FAF1: variants seen among roughly 807,000 people sequenced by gnomAD.
FAF1 encodes the protein FAS-associated factor 1.
A neutral mutation model predicts 92.5 loss-of-function variants in FAF1; 25 were observed. That is an observed-to-expected ratio of 0.27 (90% CI 0.20 to 0.38). The LOEUF (loss-of-function observed/expected upper bound fraction) is 0.38. FAF1 is among the 10% of genes least tolerant of loss of function. FAF1 has a pLI of 1.00. For synonymous variants in FAF1, 234 were observed against 273.2 expected, an observed-to-expected ratio of 0.86 and a Z score of 1.42; for missense variants, 636 against 793.3, an observed-to-expected ratio of 0.80 and a Z score of 2.38.
intron 18 of FAF1, among the ~76,000 whole-genome samples, chr1:50,443,354 A>C (rs759029247): frequency 3.3e-5 from 5 of 152,176 alleles, no homozygotes; most frequent in African/African-American, 4.8e-5. Context: ...CATCCAAGAA[A>C]AGTGGCTTTC....
chr1:50,536,359 T>G (rs1315391353), intron 14 of FAF1, among the ~76,000 whole-genome samples: 1 of 152,212 alleles, frequency 6.6e-6, no homozygotes. Flanking sequence ...GACAATTCTC[T>G]TCTCTCAAAC....
At chr1:50,760,173 C>G (rs920924359) in intron 4 of FAF1, among the ~76,000 whole-genome samples, 1 of 151,938 alleles carries the variant, frequency 6.6e-6, no homozygotes, top group Non-Finnish European at 1.5e-5. Flanking sequence ...ACAGGAGCAC[C>G]CAGATTCATA....
intron 18 of FAF1, among the ~76,000 whole-genome samples, chr1:50,456,526 C>A (rs562102093): frequency 5.3e-5 from 8 of 152,232 alleles, no homozygotes; most frequent in African/African-American, 1.9e-4. Flanking sequence ...TATGAAGATA[C>A]CATGAGTTTC....
Position 50,872,559 on chromosome 1 carries a change from G to A in FAF1, c.46-14562C>T, listed in dbSNP as rs142526830. ...CTGATAAAGCAGCAGTAGGGTTTGA[G>A]AGGATTGACTCCAATTTTGAAAGAA... On this transcript the variant is annotated intron_variant, in intron 1 of 18. Coordinates refer to ENST00000396153, the MANE Select transcript of FAF1 (RefSeq NM_007051.3). Among the ~76,000 whole-genome samples the A allele has an allele frequency of 3.9e-5, 6 of 152,302 alleles. No homozygotes were observed. In the East Asian group the frequency reaches 9.6e-4, roughly 24 times the overall value.
intron 6 of FAF1, among the ~76,000 whole-genome samples, chr1:50,738,506 G>C (rs1164332685): frequency 1.3e-5 from 2 of 150,550 alleles, no homozygotes; most frequent in Non-Finnish European, 3.0e-5. Flanking sequence ...AGAGCTCAAT[G>C]AATTTTCCTC....
At chr1:50,888,775 A>C (rs1644692284) in intron 1 of FAF1, among the ~76,000 whole-genome samples, 1 of 152,142 alleles carries the variant, frequency 6.6e-6, no homozygotes. Context: ...CCAGTATTTT[A>C]TTGAGGATTT....
At chr1:50,675,047 T>C (rs1358917531) in intron 7 of FAF1, among the ~76,000 whole-genome samples, 5 of 152,066 alleles carry the variant, frequency 3.3e-5, no homozygotes, top group East Asian at 3.9e-4. Context: ...CCCACCACCA[T>C]ACCTGGCTAA....
At chr1:50,860,010 C>T (rs185206459) in intron 1 of FAF1, among the ~76,000 whole-genome samples, 1 of 151,792 alleles carries the variant, frequency 6.6e-6, no homozygotes, top group Non-Finnish European at 1.5e-5. Flanking sequence ...GAAAGGACTG[C>T]CTATTGAATA....
chr1:50,530,366 TTTTGC>T (rs971903809), intron 15 of FAF1, among the ~76,000 whole-genome samples: 2 of 151,706 alleles, frequency 1.3e-5, no homozygotes, highest in African/African-American at 4.8e-5. Context: ...GTTTAGTAAG[TTTTGC>T]TTTAATTTTT....
At chr1:50,907,998 T>C (rs556594011) in intron 1 of FAF1, among the ~76,000 whole-genome samples, 1 of 152,240 alleles carries the variant, frequency 6.6e-6, no homozygotes, top group Non-Finnish European at 1.5e-5. Context: ...TGCTTTCTCT[T>C]GTGGGCATTT....
Position 50,618,071 on chromosome 1 carries a change from T to C in FAF1, c.745-21855A>G, listed in dbSNP as rs146073903. On this transcript the variant is annotated intron_variant, in intron 8 of 18. Coordinates refer to ENST00000396153, the MANE Select transcript of FAF1 (RefSeq NM_007051.3). ...TTTCCTTTGTTAATCTAGCTAGTAG[T>C]CTATCAATCTTGCTTATTTTTTCGA... Among the ~76,000 whole-genome samples the C allele has an allele frequency of 7.3e-3, 1,117 of 152,254 alleles. 5 individuals are homozygous for C. The highest frequency in any genetic ancestry group is 0.025 in the African/African-American group (1,045 of 41,564).
At chr1:50,900,546 T>C (rs895602763) in intron 1 of FAF1, among the ~76,000 whole-genome samples, 4 of 152,098 alleles carry the variant, frequency 2.6e-5, no homozygotes, top group Non-Finnish European at 5.9e-5. Flanking sequence ...TTCACACACT[T>C]TGAATTCACA....
At chr1:50,690,508 G>A (rs1236746760) in intron 7 of FAF1, among the ~76,000 whole-genome samples, 1 of 151,994 alleles carries the variant, frequency 6.6e-6, no homozygotes, top group Non-Finnish European at 1.5e-5. Flanking sequence ...GGCTGAGGTA[G>A]GAGAATCGCT....
intron 1 of FAF1, among the ~76,000 whole-genome samples, chr1:50,939,221 T>G (rs924980258): frequency 1.3e-5 from 2 of 152,234 alleles, no homozygotes; most frequent in Non-Finnish European, 2.9e-5. Context: ...TTCATTCATT[T>G]GTTTCAACTT....
At chr1:50,545,696 C>T (rs186546410) in intron 13 of FAF1, among the ~76,000 whole-genome samples, 6 of 152,316 alleles carry the variant, frequency 3.9e-5, no homozygotes, top group Non-Finnish European at 8.8e-5. Flanking sequence ...CTACTATACA[C>T]TGTTAGTATA....
At chr1:50,446,231 A>T (rs1241653842) in intron 18 of FAF1, among the ~76,000 whole-genome samples, 1 of 152,244 alleles carries the variant, frequency 6.6e-6, no homozygotes, top group East Asian at 1.9e-4. Context: ...GCAGCACTGC[A>T]TGTGCAACAC....
intron 8 of FAF1, among the ~76,000 whole-genome samples, chr1:50,643,018 C>T (rs1179952630): frequency 1.3e-5 from 2 of 151,830 alleles, no homozygotes; most frequent in Admixed American, 1.3e-4. Context: ...TTTTTGTAGA[C>T]AGGGTTTCAC....
chr1:50,809,673 C>T (rs530373382), intron 2 of FAF1, among the ~76,000 whole-genome samples: 9 of 152,146 alleles, frequency 5.9e-5, no homozygotes, highest in East Asian at 1.9e-4. Flanking sequence ...TCATTCACAG[C>T]CAAATTCTAC....
chr1:50,691,324 C>T (rs1473731623), intron 7 of FAF1, among the ~76,000 whole-genome samples: 1 of 151,914 alleles, frequency 6.6e-6, no homozygotes, highest in African/African-American at 2.4e-5. Context: ...CTCACTGCAG[C>T]CTCCATCTCC....
Sources: gnomAD v4.1 joint callset for allele counts (sites outside exome capture counted in the v4.1 genomes callset) on GRCh38, gnomAD v4.1.1 for gene constraint, MANE v1.5 for transcripts, NCBI Gene and HGNC (gene_info 2026-07-23, HGNC 2026-07-21) for gene names.